The following CENPF variants were observed in gnomAD, a reference collection of about 807,000 sequenced individuals.
The protein encoded by CENPF is AH antigen.
CENPF carries 214 observed loss-of-function variants against 307.3 expected under a neutral mutation model. The observed-to-expected ratio is 0.70, with a 90% CI of 0.62 to 0.78. The LOEUF is 0.78. Ranked by LOEUF, CENPF falls within the 30% of genes least tolerant of loss-of-function variation. The probability of loss-of-function intolerance (pLI) is 0.00; values close to 1 mark genes in which losing one functional copy is unlikely to be tolerated. For missense variants in CENPF, 3,401 were observed against 3,483.9 expected (o/e 0.98, Z 0.60); for synonymous variants, 1,259 against 1,270.6 (o/e 0.99, Z 0.19).
At chr1:214,655,830 A>G (rs1244095726) in intron 17 of CENPF, among the ~76,000 whole-genome samples, 2 of 152,212 alleles carry the variant, frequency 1.3e-5, no homozygotes, top group African/African-American at 4.8e-5. Flanking sequence ...GGCTCAAGCA[A>G]TCTGCCCACC....
In CENPF at chr1:214,645,630, C is replaced by G. The variant is rs775842270; in HGVS notation, c.6060C>G (p.Ser2020=). The G allele has an allele frequency of 1.9e-6, 3 of 1,613,978 alleles. No homozygotes were observed. The highest frequency in any genetic ancestry group is 2.7e-5 in the African/African-American group (2 of 74,910). ...KEKTELLQTL[S]SDVSELLKDK... ...AGACGGAACTCCTTCAGACTTTGTC[C>G]TCTGATGTGAGTGAGCTGTTAAAAG... Residue 2020 remains serine, a synonymous_variant, in exon 13 of 20, where the codon TCC becomes TCG. Transcript: ENST00000366955.
chr1:214,605,960 G>C (rs1657016008), intron 1 of CENPF: 23 of 1,597,202 alleles, frequency 1.4e-5, no homozygotes, highest in African/African-American at 2.7e-5. Flanking sequence ...GCGCATGCCC[G>C]AGGTGAGCGG....
chr1:214,605,013 GA>G (rs533350706), intron 1 of CENPF, among the ~76,000 whole-genome samples: 306 of 151,918 alleles, frequency 2.0e-3, no homozygotes, highest in African/African-American at 5.2e-3. Context: ...AAAATCGATT[GA>G]AAAAAACCAT....
At chr1:214,637,004 T>G (rs768095740) in intron 10 of CENPF, among the ~76,000 whole-genome samples, 1 of 152,226 alleles carries the variant, frequency 6.6e-6, no homozygotes, top group African/African-American at 2.4e-5. Flanking sequence ...AAATATTGCT[T>G]GCTTTTAAGA....
chr1:214,648,913 GT>G, intron 14 of CENPF, 86 bp downstream of exon 14: 1 of 1,338,420 alleles, frequency 7.5e-7, no homozygotes, highest in Non-Finnish European at 1.0e-6. Context: ...ACCTTCTGTT[GT>G]TTACCTAACT....
chr1:214,609,198 C>A (rs1657133585), intron 1 of CENPF, among the ~76,000 whole-genome samples: 1 of 151,944 alleles, frequency 6.6e-6, no homozygotes, highest in Non-Finnish European at 1.5e-5. Flanking sequence ...CGCCGCAGCT[C>A]CCCCCGAAGA....
At chr1:214,636,938 G>C (rs17736783) in intron 10 of CENPF, among the ~76,000 whole-genome samples, 4,588 of 152,236 alleles carry the variant, frequency 0.03, 104 homozygotes, top group Middle Eastern at 0.088. Context: ...TGAGATACTT[G>C]TTTGTTATGT....
chr1:214,652,248 G>A (rs1242847479), intron 15 of CENPF, among the ~76,000 whole-genome samples: 3 of 151,160 alleles, frequency 2.0e-5, no homozygotes, highest in Admixed American at 1.3e-4. Flanking sequence ...TGTTAGCCAG[G>A]ATGGTCTCGA....
chr1:214,620,880 A>C lies in CENPF; in HGVS notation c.799A>C (p.Asn267His). The C allele has an allele frequency of 6.2e-7, 1 of 1,614,148 alleles. No individual in the cohort carries two copies. The highest frequency in any genetic ancestry group is 8.5e-7 in the Non-Finnish European group (1 of 1,179,994). ...TTTGCAAATAGGGAAAAGAGATGCT[A>C]ATAGCAGTTTCTTTGACAATTCTAG... ...STLQIGKRDANSSFFDNSSSP... is the reference protein window; with the variant it reads ...STLQIGKRDAHSSFFDNSSSP... Residue 267 changes from asparagine to histidine, a missense_variant, in exon 6 of 20, where the codon AAT (asparagine) becomes CAT (histidine). Transcript: ENST00000366955.
intron 11 of CENPF, among the ~76,000 whole-genome samples, chr1:214,638,312 T>C (rs1658016590): frequency 6.6e-6 from 1 of 152,210 alleles, no homozygotes; most frequent in Admixed American, 6.5e-5. Flanking sequence ...CGAGTGCTAT[T>C]CTCTGTGTCT....
In CENPF at chr1:214,620,838, A is replaced by G. The variant is rs1213203597; in HGVS notation, c.757A>G (p.Thr253Ala). ...ASYFSGEQEV[T>A]PSRSTLQIGK... Reference sequence around the variant, plus strand: ...TTACTTTTCTGGGGAACAAGAGGTGACTCCAAGTCGATCAACTTTGCAAAT... The same window carrying G: ...TTACTTTTCTGGGGAACAAGAGGTGGCTCCAAGTCGATCAACTTTGCAAAT... Residue 253 changes from threonine to alanine, a missense_variant, in exon 6 of 20, where the codon ACT (threonine) becomes GCT (alanine). Physicochemically the swap from Thr to Ala is moderately conservative, Grantham distance 58 (BLOSUM62 0). Transcript: ENST00000366955. The G allele has an allele frequency of 6.2e-7, 1 of 1,614,168 alleles. No individual in the cohort carries two copies. The highest frequency in any genetic ancestry group is 8.5e-7 in the Non-Finnish European group (1 of 1,180,026).
In CENPF at chr1:214,642,162, G is replaced by A. The variant is rs770857432; in HGVS notation, c.3824G>A (p.Gly1275Glu). ...GATGCGGAAGAAAAGTATATTTCAG[G>A]GCCTCATGAGTTGTCAACAAGTCAA... ...EIDAEEKYISGPHELSTSQND... is the reference protein window; with the variant it reads ...EIDAEEKYISEPHELSTSQND... The change falls in exon 12 of 20, where the codon GGG (glycine) becomes GAG (glutamate). Residue 1275 changes from glycine to glutamate, a missense_variant. Gly to Glu is a moderately conservative substitution (Grantham distance 98, BLOSUM62 -2). Transcript: ENST00000366955. The A allele has an allele frequency of 1.2e-6, 2 of 1,614,058 alleles. No homozygotes were observed. Among genetic ancestry groups the A allele is most frequent in the South Asian group, 2.2e-5 (2 of 91,074 alleles).
At chr1:214,656,802 G>A in intron 17 of CENPF, 131 bp from the exon 18 acceptor site, 1 of 640,000 alleles carries the variant, frequency 1.6e-6, no homozygotes, top group Non-Finnish European at 2.7e-6. Flanking sequence ...AACATATACA[G>A]ATATATCTCC....
intron 10 of CENPF, among the ~76,000 whole-genome samples, chr1:214,635,157 A>G (rs920603061): frequency 1.3e-5 from 2 of 152,188 alleles, no homozygotes; most frequent in Non-Finnish European, 2.9e-5. Context: ...TAGGTCCTCT[A>G]AGGAGCTGGC....
chr1:214,614,759 C>T, intron 2 of CENPF, 73 bp from the exon 3 acceptor site: 1 of 1,024,114 alleles, frequency 9.8e-7, no homozygotes, highest in Admixed American at 2.9e-5. Flanking sequence ...CAATGTTAGA[C>T]TCAGGTTTAC....
rs748485215 is a variant in CENPF at position 214,663,643 on chromosome 1, C to A, written c.9194C>A (p.Pro3065His). ...GATTCAGGCACCATCCTCCGAGAAC[C>A]CACCACGAAATCCGTCCCAGTCAAT... ...PVDSGTILRE[P>H]TTKSVPVNNL... Residue 3065 changes from proline to histidine, a missense_variant, in exon 20 of 20, where the codon CCC (proline) becomes CAC (histidine). Physicochemically the swap from Pro to His is moderately conservative, Grantham distance 77 (BLOSUM62 -2). Transcript: ENST00000366955. The A allele has an allele frequency of 1.2e-6, 2 of 1,614,126 alleles. No individual in the cohort carries two copies. The highest frequency in any genetic ancestry group is 2.2e-5 in the South Asian group (2 of 91,046).
chr1:214,652,940 A>C lies in CENPF; in HGVS notation c.8273A>C (p.Asn2758Thr). 1 of 1,607,780 alleles carries C rather than the reference A, an allele frequency of 6.2e-7. No individual in the cohort carries two copies. The highest frequency in any genetic ancestry group is 1.7e-5 in the Admixed American group (1 of 58,574). Reference protein sequence around the residue: ...LLKSSKEELNNSLKATTQILE... With the variant: ...LLKSSKEELNTSLKATTQILE... ...AAGTCTAGTAAAGAAGAGCTCAATA[A>C]TTCATTGAAAGCTACTACTCAGATT... The change falls in exon 16 of 20, where the codon AAT becomes ACT. Residue 2758 changes from asparagine to threonine, a missense_variant. Coordinates refer to ENST00000366955, the MANE Select transcript of CENPF (RefSeq NM_016343.4).
At chr1:214,608,845 G>T (rs1571691420) in intron 1 of CENPF, 2 of 1,563,822 alleles carry the variant, frequency 1.3e-6, no homozygotes, top group Non-Finnish European at 8.6e-7. Flanking sequence ...GTTCATGGCG[G>T]GCGCCGCCCG....
chr1:214,613,857 C>G lies in CENPF; in HGVS notation c.103C>G (p.Gln35Glu). ...GCTTGACAAACTGAAGAAGGAAAAG[C>G]AGCAAAGGCAGTTTCAGCTTGACAG... Reference protein sequence around the residue: ...GQLDKLKKEKQQRQFQLDSLE... With the variant: ...GQLDKLKKEKEQRQFQLDSLE... The change falls in exon 2 of 20, where the codon CAG (glutamine) becomes GAG (glutamate). Residue 35 changes from glutamine to glutamate, a missense_variant. Physicochemically the swap from Gln to Glu is conservative, Grantham distance 29. Coordinates refer to ENST00000366955, the MANE Select transcript of CENPF (RefSeq NM_016343.4). 6.2e-7 allele frequency: 1 copy of G among 1,613,848 alleles called. No homozygotes were observed. The highest frequency in any genetic ancestry group is 8.5e-7 in the Non-Finnish European group (1 of 1,179,896).
Sources: gnomAD v4.1 joint callset for allele counts (sites outside exome capture counted in the v4.1 genomes callset) on GRCh38, gnomAD v4.1.1 for gene constraint, MANE v1.5 for transcripts, NCBI Gene and HGNC (gene_info 2026-07-23, HGNC 2026-07-21) for gene names.